The following PAGE2B variants were observed in gnomAD, a reference collection of about 807,000 sequenced individuals.
The protein encoded by PAGE2B is putative G antigen family E member 3.
In PAGE2B, 5 loss-of-function variants were observed where a neutral mutation model predicts 7.6. That is an observed-to-expected ratio of 0.66 (90% CI 0.34 to 1.38). The LOEUF (loss-of-function observed/expected upper bound fraction) is 1.38, where lower values mean the gene tolerates loss of function less well. Among genes scored for constraint, PAGE2B ranks in the 40% most tolerant of loss-of-function variants. The pLI is 0.04. For missense variants in PAGE2B, 70 were observed against 78.4 expected, an observed-to-expected ratio of 0.89 and a Z score of 0.41; for synonymous variants, 29 against 26.7, an observed-to-expected ratio of 1.09 and a Z score of -0.27.
the PAGE2B span, among the ~76,000 whole-genome samples, chrX:55,068,484 T>C: frequency 1.8e-5 from 2 of 112,107 alleles, no homozygotes; most frequent in African/African-American, 3.2e-5. Context: ...TGTCTCCAGC[T>C]TTGTTCTTTC....
At chrX:55,034,177 A>G in the PAGE2B span, among the ~76,000 whole-genome samples, 1 of 111,720 alleles carries the variant, frequency 9.0e-6, no homozygotes, top group Non-Finnish European at 1.9e-5. Flanking sequence ...TCCCTTACCC[A>G]CATTCTGGAA....
chrX:55,044,566 T>C, the PAGE2B span, among the ~76,000 whole-genome samples: 3 of 109,713 alleles, frequency 2.7e-5, no homozygotes, highest in African/African-American at 6.7e-5. Flanking sequence ...AACTTATCCA[T>C]GTAATGAAAC....
At chrX:55,033,417 C>T in the PAGE2B span, among the ~76,000 whole-genome samples, 1 of 111,468 alleles carries the variant, frequency 9.0e-6, no homozygotes, top group South Asian at 3.8e-4. Flanking sequence ...TATCTCCTCT[C>T]CTTTAGAGGA....
the PAGE2B span, chrX:55,045,065 T>C: frequency 2.7e-5 from 3 of 112,433 alleles, no homozygotes; most frequent in African/African-American, 9.7e-5. Context: ...TTTTTCCTAC[T>C]GTGAATTCTC....
At chrX:55,042,319 T>A in the PAGE2B span, among the ~76,000 whole-genome samples, 1 of 109,460 alleles carries the variant, frequency 9.1e-6, no homozygotes, top group Non-Finnish European at 1.9e-5. Context: ...TTGCAAAAAA[T>A]AAAATAAAAT....
the PAGE2B span, among the ~76,000 whole-genome samples, chrX:55,042,263 G>A: frequency 2.7e-5 from 3 of 110,926 alleles, no homozygotes; most frequent in Admixed American, 9.6e-5. Flanking sequence ...CACCAACAGC[G>A]ACCAAGCTGA....
the PAGE2B span, among the ~76,000 whole-genome samples, chrX:55,061,355 TAGTA>T: frequency 2.7e-5 from 3 of 111,066 alleles, no homozygotes; most frequent in Non-Finnish European, 5.7e-5. Flanking sequence ...GTAATCAGCA[TAGTA>T]CCTGATAGGT....
At chrX:55,075,410 C>T (rs1195648213) in intron 1 of PAGE2B, among the ~76,000 whole-genome samples, 1 of 110,615 alleles carries the variant, frequency 9.0e-6, no homozygotes, top group African/African-American at 3.3e-5. Flanking sequence ...TCCTGGAACC[C>T]TCTGAGAGAG....
the PAGE2B span, among the ~76,000 whole-genome samples, chrX:55,031,862 A>T: frequency 9.0e-6 from 1 of 111,387 alleles, no homozygotes; most frequent in African/African-American, 3.3e-5. Context: ...ATAACCAGAC[A>T]ATTTCATCTT....
chrX:55,041,038 A>G, the PAGE2B span, among the ~76,000 whole-genome samples: 3 of 107,483 alleles, frequency 2.8e-5, no homozygotes, highest in African/African-American at 6.8e-5. Flanking sequence ...TTAATCTCCC[A>G]TACAGTGTTA....
the PAGE2B span, among the ~76,000 whole-genome samples, chrX:55,030,690 T>C: frequency 9.2e-6 from 1 of 108,671 alleles, no homozygotes; most frequent in Non-Finnish European, 1.9e-5. Context: ...TGTCAGAGAA[T>C]GATGAAATGA....
chrX:55,033,376 C>A, the PAGE2B span, among the ~76,000 whole-genome samples: 1 of 111,265 alleles, frequency 9.0e-6, no homozygotes, highest in Non-Finnish European at 1.9e-5. Flanking sequence ...CAGCTGAGCC[C>A]GTGAGTGTAG....
At chrX:55,049,722 G>A in the PAGE2B span, among the ~76,000 whole-genome samples, 6 of 110,251 alleles carry the variant, frequency 5.4e-5, no homozygotes, top group African/African-American at 2.0e-4. Context: ...TCTTGCTAGC[G>A]GTCTATCAAT....
the PAGE2B span, among the ~76,000 whole-genome samples, chrX:55,041,001 T>C: frequency 9.0e-6 from 1 of 110,802 alleles, no homozygotes; most frequent in African/African-American, 3.3e-5. Flanking sequence ...ATTTACCTAT[T>C]CAGACTGGCA....
the PAGE2B span, among the ~76,000 whole-genome samples, chrX:55,054,659 C>A: frequency 8.9e-6 from 1 of 111,956 alleles, no homozygotes; most frequent in African/African-American, 3.2e-5. Flanking sequence ...AAACTGAAAT[C>A]GAATTATAAT....
chrX:55,064,238 T>G, the PAGE2B span, among the ~76,000 whole-genome samples: 1 of 111,434 alleles, frequency 9.0e-6, no homozygotes, highest in African/African-American at 3.2e-5. Context: ...TCCTTGTTAT[T>G]GGTTTGTTCA....
chrX:55,043,859 G>A, the PAGE2B span, among the ~76,000 whole-genome samples: 5 of 109,129 alleles, frequency 4.6e-5, no homozygotes, highest in Non-Finnish European at 9.5e-5. Flanking sequence ...CCAGCTACTT[G>A]GGAGGCTGAG....
At chrX:55,055,022 C>T in the PAGE2B span, 1 of 111,244 alleles carries the variant, frequency 9.0e-6, no homozygotes, top group Non-Finnish European at 1.9e-5. Context: ...AACTGGGGTT[C>T]TGTCGATAAT....
upstream of PAGE2B, among the ~76,000 whole-genome samples, chrX:55,072,155 G>A (rs998962095): frequency 5.4e-5 from 6 of 111,844 alleles, no homozygotes; most frequent in East Asian, 5.6e-4. Context: ...GAGAAGTTGC[G>A]ATCATTTGGA....
Sources: allele counts gnomAD v4.1 joint callset (sites outside exome capture counted in the v4.1 genomes callset), GRCh38; gene constraint gnomAD v4.1.1; transcripts MANE v1.5; gene names NCBI Gene and HGNC (gene_info 2026-07-23, HGNC 2026-07-21).